The following AMPH variants were observed in gnomAD, a reference collection of about 807,000 sequenced individuals.
AMPH encodes the protein amphiphysin.
Under a neutral mutation model 99.1 loss-of-function variants are expected in AMPH, and 49 were observed. The observed-to-expected ratio is 0.49, with a 90% CI of 0.39 to 0.63. AMPH has a LOEUF of 0.63. Among genes scored for constraint, AMPH ranks in the 20% least tolerant of loss-of-function variants. The probability of loss-of-function intolerance (pLI) is 0.00; values close to 1 mark genes in which losing one functional copy is unlikely to be tolerated. For synonymous variants in AMPH, 314 were observed against 317.3 expected (o/e 0.99, Z 0.11); for missense variants, 759 against 863.4 (o/e 0.88, Z 1.52).
chr7:38,430,379 C>A (rs1452149135), intron 13 of AMPH, among the ~76,000 whole-genome samples: 1 of 152,140 alleles, frequency 6.6e-6, no homozygotes, highest in Non-Finnish European at 1.5e-5. Flanking sequence ...TGTCATTCCC[C>A]CAAATTAGCA....
At chr7:38,577,791 G>A (rs970954198) in intron 1 of AMPH, among the ~76,000 whole-genome samples, 1 of 150,750 alleles carries the variant, frequency 6.6e-6, no homozygotes, top group Admixed American at 6.6e-5. Context: ...AAGGAGGAAG[G>A]GAGGGAAAAA....
At chr7:38,553,530 C>T (rs1294513362) in intron 1 of AMPH, among the ~76,000 whole-genome samples, 1 of 152,208 alleles carries the variant, frequency 6.6e-6, no homozygotes, top group Non-Finnish European at 1.5e-5. Context: ...TCACACGTGC[C>T]ATTTTAAAGC....
At chr7:38,592,489 C>T (rs564317949) in intron 1 of AMPH, among the ~76,000 whole-genome samples, 6 of 152,200 alleles carry the variant, frequency 3.9e-5, no homozygotes, top group East Asian at 1.9e-4. Flanking sequence ...GTCAGCACTT[C>T]GGGAGGCCAA....
At chr7:38,441,888 TACAC>T (rs61094157) in intron 11 of AMPH, among the ~76,000 whole-genome samples, 2 of 81,568 alleles carry the variant, frequency 2.5e-5, no homozygotes, top group African/African-American at 7.5e-5. Context: ...ATCATATACA[TACAC>T]ACACACACAC....
chr7:38,551,252 C>T (rs1459380222), intron 1 of AMPH, among the ~76,000 whole-genome samples: 2 of 152,084 alleles, frequency 1.3e-5, no homozygotes, highest in Non-Finnish European at 2.9e-5. Flanking sequence ...ATCTTGTGTG[C>T]CATAGCATCA....
At chr7:38,461,234 T>C in intron 11 of AMPH, 49 bp downstream of exon 11, 1 of 1,608,088 alleles carries the variant, frequency 6.2e-7, no homozygotes, top group East Asian at 2.2e-5. Context: ...TGAGAGTCCT[T>C]CCACCATGGG....
intron 20 of AMPH, among the ~76,000 whole-genome samples, chr7:38,388,197 G>A (rs1275338415): frequency 6.6e-6 from 1 of 152,042 alleles, no homozygotes; most frequent in African/African-American, 2.4e-5. Flanking sequence ...AAACATGGTG[G>A]TAAACATAAA....
chr7:38,429,321 G>A (rs1351832346), intron 14 of AMPH: 1 of 1,288,550 alleles, frequency 7.8e-7, no homozygotes, highest in Non-Finnish European at 1.0e-6. Flanking sequence ...ACTCTCTTCA[G>A]CTACAGTGGG....
intron 14 of AMPH, chr7:38,427,959 C>T (rs990818237): frequency 6.6e-6 from 3 of 456,574 alleles, no homozygotes; most frequent in Non-Finnish European, 1.3e-5. Context: ...ACTCTCAGTG[C>T]TAGCATTCCA....
chr7:38,527,980 T>G (rs372911985), intron 2 of AMPH, among the ~76,000 whole-genome samples: 1 of 152,190 alleles, frequency 6.6e-6, no homozygotes, highest in Non-Finnish European at 1.5e-5. Flanking sequence ...TGTCACAAAT[T>G]TTTTCTACAT....
chr7:38,609,656 T>C (rs1422588940), intron 1 of AMPH, among the ~76,000 whole-genome samples: 1 of 152,190 alleles, frequency 6.6e-6, no homozygotes, highest in Non-Finnish European at 1.5e-5. Context: ...TGATCTCAAC[T>C]TGTAAAATTT....
intron 1 of AMPH, among the ~76,000 whole-genome samples, chr7:38,548,651 T>C (rs71548620): frequency 0.016 from 2,488 of 152,224 alleles, 28 homozygotes; most frequent in South Asian, 0.029. Flanking sequence ...AGAAAAGCTC[T>C]CTGCTGCAGA....
At chr7:38,547,440 A>G (rs558721632) in intron 1 of AMPH, among the ~76,000 whole-genome samples, 3 of 152,334 alleles carry the variant, frequency 2.0e-5, no homozygotes, top group African/African-American at 7.2e-5. Flanking sequence ...CTTGCATGCT[A>G]AGCAAGCCTG....
At chr7:38,412,881 G>C (rs1785254499) in intron 17 of AMPH, among the ~76,000 whole-genome samples, 1 of 152,146 alleles carries the variant, frequency 6.6e-6, no homozygotes, top group Admixed American at 6.5e-5. Flanking sequence ...CTGGAAAAGG[G>C]GAAGTCTTCT....
chr7:38,599,730 G>T (rs1793180916), intron 1 of AMPH, among the ~76,000 whole-genome samples: 1 of 151,402 alleles, frequency 6.6e-6, no homozygotes, highest in East Asian at 1.9e-4. Flanking sequence ...GTCTGTATTT[G>T]GTCTGTATTT....
chr7:38,468,420 G>T (rs1305755251), intron 7 of AMPH, among the ~76,000 whole-genome samples: 1 of 152,118 alleles, frequency 6.6e-6, no homozygotes, highest in Non-Finnish European at 1.5e-5. Flanking sequence ...CAAAAAAGAA[G>T]TCCCATTCTT....
chr7:38,494,018 G>A (rs771757418), intron 4 of AMPH, among the ~76,000 whole-genome samples: 8 of 152,136 alleles, frequency 5.3e-5, no homozygotes, highest in Admixed American at 1.3e-4. Context: ...GTACAGTGGT[G>A]CGATCTTGGC....
chr7:38,573,184 G>C (rs987925123), intron 1 of AMPH, among the ~76,000 whole-genome samples: 1 of 152,100 alleles, frequency 6.6e-6, no homozygotes, highest in Non-Finnish European at 1.5e-5. Flanking sequence ...GTGGACACTG[G>C]GCTGTGGCAC....
chr7:38,511,061 A>G (rs1004938937), intron 2 of AMPH, among the ~76,000 whole-genome samples: 1 of 152,072 alleles, frequency 6.6e-6, no homozygotes, highest in Non-Finnish European at 1.5e-5. Flanking sequence ...CCGATTCCTC[A>G]TCTATTAAAT....
Sources: gnomAD v4.1 joint callset for allele counts (sites outside exome capture counted in the v4.1 genomes callset) on GRCh38, gnomAD v4.1.1 for gene constraint, MANE v1.5 for transcripts, NCBI Gene and HGNC (gene_info 2026-07-23, HGNC 2026-07-21) for gene names.